Variants in DUOXA1 observed in about 807,000 individuals in gnomAD.
DUOXA1 encodes dual oxidase activator 1.
A neutral mutation model predicts 26.6 loss-of-function variants in DUOXA1; 19 were observed. The observed-to-expected ratio is 0.71, with a 90% confidence interval of 0.50 to 1.05. The LOEUF (loss-of-function observed/expected upper bound fraction) is 1.05. DUOXA1 is among the 50% of genes least tolerant of loss of function. The pLI, the probability that DUOXA1 is intolerant of heterozygous loss-of-function variation, is 0.00. For missense variants in DUOXA1, 403 were observed against 427.5 expected, an observed-to-expected ratio of 0.94 and a Z score of 0.51; for synonymous variants, 166 against 177.0, an observed-to-expected ratio of 0.94 and a Z score of 0.49.
Position 45,119,251 on chromosome 15 carries a change from C to A in DUOXA1, c.887G>T (p.Ser296Ile), listed in dbSNP as rs1238520649. ...GCTCAGGAGTCCACCTTCCTCAGGA[C>A]TCCACTCCAGCATGGGGTCTTCATC... is the stretch of plus-strand genomic sequence containing the variant. ...SVDEDPMLEW[S>I]PEEGGLLSPR... Residue 296 changes from serine to isoleucine, a missense_variant, in exon 9 of 9, where the codon AGT becomes ATT. By Grantham distance (142) the Ser-to-Ile change is moderately radical. Coordinates refer to ENST00000560572, the MANE Select transcript of DUOXA1 (RefSeq NM_001276266.2). 6.2e-7 allele frequency: 1 copy of A among 1,614,174 alleles called. No individual in the cohort carries two copies. The highest frequency in any genetic ancestry group is 1.7e-5 in the Admixed American group (1 of 60,022).
rs1396647236 is a variant in DUOXA1, at chr15:45,123,042, T to C, written c.-28A>G. ...TGGTGAGGTGGTGCAGGGGGGGCAA[T>C]GCTGTACAACAACAATAGACATTTA... On this transcript the variant is annotated splice_region_variant and 5_prime_UTR_variant, in exon 4 of 9. Coordinates refer to ENST00000560572, the MANE Select transcript of DUOXA1 (RefSeq NM_001276266.2). 1 of 1,591,772 alleles carries C rather than the reference T, an allele frequency of 6.3e-7. No homozygotes were observed.
chr15:45,120,178 G>GCTCACCC lies in DUOXA1; in HGVS notation c.696_697insGGGTGAG (p.Pro233GlyfsTer2). On this transcript the variant is annotated stop_gained and frameshift_variant, in exon 8 of 9. Transcript: ENST00000560572. LOFTEE classifies it high-confidence loss of function. The stretch of plus-strand genomic sequence containing the variant: ...GAAGCGCCCAGGTGCAGGGGACAGG[G>GCTCACCC]TGAGGTGAGTGATGTGGCCATGGAG... 1 of 1,614,124 alleles carries GCTCACCC rather than the reference G, an allele frequency of 6.2e-7. No homozygotes were observed. The highest frequency in any genetic ancestry group is 8.5e-7 in the Non-Finnish European group (1 of 1,180,006).
At chr15:45,126,547 C>T (rs537425957) in intron 3 of DUOXA1, among the ~76,000 whole-genome samples, 2 of 152,220 alleles carry the variant, frequency 1.3e-5, no homozygotes, top group African/African-American at 4.8e-5. Context: ...TTGAACATAC[C>T]TTCATGATAA....
chr15:45,119,506 G>T (rs1305097643), intron 8 of DUOXA1, 141 bp from the exon 9 acceptor site: 2 of 1,333,692 alleles, frequency 1.5e-6, no homozygotes, highest in Non-Finnish European at 2.0e-6. Flanking sequence ...GAGGTGACTG[G>T]CTGAGGGGCA....
In DUOXA1 at chr15:45,118,998, T is replaced by C. The variant is rs1039115653; in HGVS notation, c.*108A>G. ...TTCTACTCCGTCTGTAGATTGGTGCTGGGTGTCTGGTAACAGCCACCCTGA... is the reference window on the plus strand; with the variant it reads ...TTCTACTCCGTCTGTAGATTGGTGCCGGGTGTCTGGTAACAGCCACCCTGA... On this transcript the variant is annotated 3_prime_UTR_variant, in exon 9 of 9. Coordinates refer to ENST00000560572, the MANE Select transcript of DUOXA1 (RefSeq NM_001276266.2). The C allele has an allele frequency of 6.1e-6, 9 of 1,478,316 alleles. No individual in the cohort carries two copies. The highest frequency in any genetic ancestry group is 8.1e-6 in the Non-Finnish European group (9 of 1,115,416). The allele number at this position is 1,478,316 out of a possible 1,614,324, so 91.6% of individuals were successfully genotyped here.
intron 5 of DUOXA1, 98 bp downstream of exon 5, chr15:45,122,087 G>T: frequency 7.4e-7 from 1 of 1,349,796 alleles, no homozygotes. Context: ...TGAAGCAAGG[G>T]CCCACCGCTG....
At chr15:45,120,521 G>A (rs1595546688) in intron 7 of DUOXA1, 71 bp downstream of exon 7, 2 of 1,550,752 alleles carry the variant, frequency 1.3e-6, no homozygotes, top group East Asian at 4.5e-5. Flanking sequence ...GAGTGGAGGA[G>A]AGATGGGTAG....
rs1365947191 is a variant in DUOXA1 at position 45,122,865 on chromosome 15, C to T, written c.147+3G>A. On this transcript the variant is annotated splice_donor_region_variant and intron_variant, in intron 4 of 8. Transcript: ENST00000560572. ...CTGGGGTCTCCAGGACTGGGTTTCTCACCGTCTTTCCCCGAATGCCAGGCA... is the reference window on the plus strand; with the variant it reads ...CTGGGGTCTCCAGGACTGGGTTTCTTACCGTCTTTCCCCGAATGCCAGGCA... The T allele has an allele frequency of 1.2e-6, 2 of 1,606,366 alleles. No homozygotes were observed. Among genetic ancestry groups the T allele is most frequent in the Non-Finnish European group, 1.7e-6 (2 of 1,176,746 alleles).
Position 45,118,400 on chromosome 15 carries a change from T to G in DUOXA1, c.*706A>C. 1 of 1,055,754 alleles carries G rather than the reference T, an allele frequency of 9.5e-7. No homozygotes were observed. The highest frequency in any genetic ancestry group is 1.1e-6 in the Non-Finnish European group (1 of 875,558). 65.4% of individuals were successfully genotyped at this position (1,055,754 alleles called of 1,614,324 possible). A position where few individuals can be genotyped will look rare whatever the true frequency, so the allele number is the denominator to read the frequency against. ...CCCAGCTGAGTGGGGTGGGAAGGAA[T>G]AGCGTTTTGGAGTTGATTCCCTAAC... On this transcript the variant is annotated 3_prime_UTR_variant, in exon 9 of 9. Coordinates refer to ENST00000560572, the MANE Select transcript of DUOXA1 (RefSeq NM_001276266.2).
At chr15:45,128,517 G>A (rs971065714) in intron 3 of DUOXA1, among the ~76,000 whole-genome samples, 1 of 152,202 alleles carries the variant, frequency 6.6e-6, no homozygotes, top group Non-Finnish European at 1.5e-5. Flanking sequence ...GCTAGCTAAG[G>A]GGACCCTGTC....
chr15:45,125,029 T>G (rs1285753901), intron 3 of DUOXA1, among the ~76,000 whole-genome samples: 1 of 152,196 alleles, frequency 6.6e-6, no homozygotes, highest in Non-Finnish European at 1.5e-5. Flanking sequence ...TCTCTCCTTC[T>G]AAGCTGGCCA....
At chr15:45,125,945 T>G (rs557862296) in intron 3 of DUOXA1, among the ~76,000 whole-genome samples, 1 of 152,328 alleles carries the variant, frequency 6.6e-6, no homozygotes, top group East Asian at 1.9e-4. Context: ...TTCACTTGGA[T>G]GTTCCCTTGA....
At chr15:45,121,324 T>A in intron 5 of DUOXA1, 103 bp from the exon 6 acceptor site, 1 of 1,540,848 alleles carries the variant, frequency 6.5e-7, no homozygotes, top group South Asian at 1.2e-5. Context: ...GTTTTGGTCA[T>A]AACTGGATAC....
In DUOXA1 at chr15:45,118,194, C is replaced by T. The variant is rs757862362; in HGVS notation, c.*912G>A. ...GCTGGGCTGGAGACAGCCTAGTACACTCTCCGCAGTGCTGTGAAACCTGAT... is the reference window on the plus strand; with the variant it reads ...GCTGGGCTGGAGACAGCCTAGTACATTCTCCGCAGTGCTGTGAAACCTGAT... On this transcript the variant is annotated 3_prime_UTR_variant, in exon 9 of 9. Coordinates refer to ENST00000560572, the MANE Select transcript of DUOXA1 (RefSeq NM_001276266.2). 182 of 1,427,900 alleles carry T rather than the reference C, an allele frequency of 1.3e-4. No individual in the cohort carries two copies. Among genetic ancestry groups the T allele is most frequent in the Non-Finnish European group, 1.6e-4 (171 of 1,096,624 alleles). The allele number at this position is 1,427,900 out of a possible 1,614,324, so 88.5% of individuals were successfully genotyped here.
At chr15:45,125,920 C>T (rs1183115424) in intron 3 of DUOXA1, among the ~76,000 whole-genome samples, 1 of 152,188 alleles carries the variant, frequency 6.6e-6, no homozygotes, top group Non-Finnish European at 1.5e-5. Context: ...AAGGGCCAAC[C>T]ACCCTGTGGA....
At chr15:45,121,278 TA>T in intron 5 of DUOXA1, 57 bp from the exon 6 acceptor site, 1 of 1,612,026 alleles carries the variant, frequency 6.2e-7, no homozygotes, top group Admixed American at 1.7e-5. Context: ...ATTACTAGGT[TA>T]GAGTCAGAAG....
chr15:45,121,033 A>T (rs1895146552), intron 6 of DUOXA1, 54 bp downstream of exon 6: 2 of 1,610,206 alleles, frequency 1.2e-6, no homozygotes, highest in African/African-American at 2.7e-5. Context: ...CCAAACATAG[A>T]TCCCAAAGAT....
chr15:45,122,190 A>G lies in DUOXA1; in HGVS notation c.200T>C (p.Ile67Thr). 6.2e-7 allele frequency: 1 copy of G among 1,602,644 alleles called. No homozygotes were observed. The highest frequency in any genetic ancestry group is 8.5e-7 in the Non-Finnish European group (1 of 1,174,480). ...CAGCTGCACTTCGCACTCACCCAGG[A>G]TTGCAGCCCCGATGAATAAGCTGGT... ...VVTSLFIGAA[I>T]LAVNFSSEWS... Residue 67 changes from isoleucine to threonine, a missense_variant, in exon 5 of 9, where the codon ATC becomes ACC. By Grantham distance (89) the Ile-to-Thr change is moderately conservative (BLOSUM62 -1). Coordinates refer to ENST00000560572, the MANE Select transcript of DUOXA1 (RefSeq NM_001276266.2).
intron 3 of DUOXA1, among the ~76,000 whole-genome samples, chr15:45,127,607 A>G (rs1324895106): frequency 6.6e-6 from 1 of 152,154 alleles, no homozygotes; most frequent in African/African-American, 2.4e-5. Context: ...TGTTTTCATT[A>G]TTAAGCTAAC....
Sources: gnomAD v4.1 joint callset for allele counts (sites outside exome capture counted in the v4.1 genomes callset) on GRCh38, gnomAD v4.1.1 for gene constraint, MANE v1.5 for transcripts, NCBI Gene and HGNC (gene_info 2026-07-23, HGNC 2026-07-21) for gene names.